CALML4: variants seen among roughly 807,000 people sequenced by gnomAD.
CALML4 encodes the protein calmodulin-like protein 4.
A neutral mutation model predicts 17.9 loss-of-function variants in CALML4; 16 were observed. That is an observed-to-expected ratio of 0.89 (90% CI 0.61 to 1.36). The LOEUF (loss-of-function observed/expected upper bound fraction) is 1.36. CALML4 is among the 40% of genes most tolerant of loss of function. The pLI, the probability that CALML4 is intolerant of heterozygous loss-of-function variation, is 0.00. For synonymous variants in CALML4, 86 were observed against 71.5 expected, an observed-to-expected ratio of 1.20 and a Z score of -1.02; for missense variants, 203 against 194.8, an observed-to-expected ratio of 1.04 and a Z score of -0.25.
chr15:68,205,433 G>A, upstream of CALML4: 18 of 1,606,200 alleles, frequency 1.1e-5, no homozygotes, highest in Admixed American at 1.7e-5. The surrounding 1 kb of genome is among the most constrained non-coding windows in gnomAD (Gnocchi z 4.8). Flanking sequence ...CACAGCTCAT[G>A]ACCCGCCACC....
At chr15:68,195,764 T>C (rs571391392) in intron 4 of CALML4, among the ~76,000 whole-genome samples, 2 of 152,282 alleles carry the variant, frequency 1.3e-5, no homozygotes, top group South Asian at 4.1e-4. Context: ...GGGAAATCGG[T>C]GTCCCTGCTT....
chr15:68,203,419 A>G (rs2093172017), intron 2 of CALML4, among the ~76,000 whole-genome samples: 1 of 152,254 alleles, frequency 6.6e-6, no homozygotes, highest in Non-Finnish European at 1.5e-5. Flanking sequence ...TACCAAACAC[A>G]TTCATTAAAT....
intron 2 of CALML4, among the ~76,000 whole-genome samples, chr15:68,202,560 C>A (rs536278409): frequency 5.3e-5 from 8 of 151,818 alleles, no homozygotes; most frequent in African/African-American, 1.7e-4. Flanking sequence ...GAGCGGAGAT[C>A]ATGCCATTGC....
At position 68,199,563 on chromosome 15, in the gene CALML4, C is replaced by G. The variant is rs757482900; in HGVS notation, c.153G>C (p.Arg51=). Residue 51 remains arginine (R), a synonymous_variant, in exon 3 of 5, where the codon CGG becomes CGC. Coordinates refer to ENST00000467889, the MANE Select transcript of CALML4 (RefSeq NM_033429.3). ...CACCTATCCCGTGGGTCTGCAGGTG[C>G]CGCTGCACCTCCCCTGGCGTCGGGC... ...GASPTPGEVQ[R]HLQTHGIDGN... is the part of the protein sequence containing the mutation. 1 of 1,613,536 alleles carries G rather than the reference C, an allele frequency of 6.2e-7. No individual in the cohort carries two copies. Among genetic ancestry groups the G allele is most frequent in the African/African-American group, 1.3e-5 (1 of 74,844 alleles).
At chr15:68,201,410 G>A (rs938640) in intron 2 of CALML4, among the ~76,000 whole-genome samples, 74,198 of 152,168 alleles carry the variant, frequency 0.49, 18,830 homozygotes, top group Middle Eastern at 0.57. Flanking sequence ...CAGAGAGAGG[G>A]CTGCCCCAAT....
chr15:68,197,491 C>G lies in CALML4; in HGVS notation c.313G>C (p.Asp105His), dbSNP rs375308448. 6.8e-6 allele frequency: 11 copies of G among 1,614,036 alleles called. No individual in the cohort carries two copies. The highest frequency in any genetic ancestry group is 9.3e-6 in the Non-Finnish European group (11 of 1,180,042). The change falls in exon 4 of 5, where the codon GAC (aspartate) becomes CAC (histidine). Residue 105 changes from aspartate (D) to histidine (H), a missense_variant. Physicochemically the swap from Asp to His is moderately conservative, Grantham distance 81. Coordinates refer to ENST00000467889, the MANE Select transcript of CALML4 (RefSeq NM_033429.3). This position sits in a 1 kb window ranked among gnomAD's most constrained non-coding sequence, Gnocchi z 4.1. ...AGACTCGTGAGTTTTGACCGCAGGT[C>G]GGACGCCATGACGTAACCTTTCTTC... is the stretch of plus-strand genomic sequence containing the variant. The part of the protein sequence containing the change: ...KEKKGYVMAS[D>H]LRSKLTSLGE...
intron 3 of CALML4, chr15:68,198,493 T>G (rs1223781179): frequency 6.6e-6 from 1 of 152,252 alleles, no homozygotes; most frequent in Non-Finnish European, 1.5e-5. Flanking sequence ...CGCCAGTCCC[T>G]CCTTCCTGAG....
At chr15:68,195,606 TA>T (rs897154692) in intron 4 of CALML4, among the ~76,000 whole-genome samples, 3 of 152,144 alleles carry the variant, frequency 2.0e-5, no homozygotes, top group Admixed American at 6.5e-5. Context: ...GCCAAAGTGC[TA>T]AAGTCAGCCC....
chr15:68,194,978 AAAAT>A (rs985146369), intron 4 of CALML4, among the ~76,000 whole-genome samples: 8 of 152,066 alleles, frequency 5.3e-5, no homozygotes, highest in Non-Finnish European at 7.4e-5. Flanking sequence ...ATATGAGAGA[AAAAT>A]AAATCCAACT....
rs567152819 is a variant in CALML4, at chr15:68,204,403, T to G, written c.34+718A>C. Among the ~76,000 whole-genome samples, 83 of 152,288 alleles carry G rather than the reference T, an allele frequency of 5.5e-4. No individual in the cohort carries two copies. The highest frequency in any genetic ancestry group is 1.2e-3 in the South Asian group (6 of 4,830). ...TTGACGTCCACTGTTGGGACAGGTTTCAGGGTCACAACCTCAAGCAGCAGC... is the reference window on the plus strand; with the variant it reads ...TTGACGTCCACTGTTGGGACAGGTTGCAGGGTCACAACCTCAAGCAGCAGC... On this transcript the variant is annotated intron_variant, in intron 2 of 4. Transcript: ENST00000467889. The surrounding 1 kb of genome is among the most constrained non-coding windows in gnomAD (Gnocchi z 6.0).
chr15:68,204,114 G>A lies in CALML4; in HGVS notation c.34+1007C>T, dbSNP rs1179912342. Reference sequence around the variant, plus strand: ...CCTGGCCCTCCTCTTGGGATAAAGAGTTCCAGGGTTCTACGTGGAGGTGCC... The same window carrying A: ...CCTGGCCCTCCTCTTGGGATAAAGAATTCCAGGGTTCTACGTGGAGGTGCC... On this transcript the variant is annotated intron_variant, in intron 2 of 4. Transcript: ENST00000467889. This position sits in a 1 kb window ranked among gnomAD's most constrained non-coding sequence, Gnocchi z 6.0. Among the ~76,000 whole-genome samples, 1 of 152,134 alleles carries A rather than the reference G, an allele frequency of 6.6e-6. No individual in the cohort carries two copies. Among genetic ancestry groups the A allele is most frequent in the African/African-American group, 2.4e-5 (1 of 41,422 alleles).
In CALML4 at chr15:68,205,295, G is replaced by T; in HGVS notation, c.-48C>A. 6.2e-7 allele frequency: 1 copy of T among 1,614,116 alleles called. No individual in the cohort carries two copies. Among genetic ancestry groups the T allele is most frequent in the African/African-American group, 1.3e-5 (1 of 75,028 alleles). ...GTGGGCTTGCTGCTCCCAGAACCGC[G>T]TTCAGTTCCCTTTCCTCCAGCCTCA... On this transcript the variant is annotated 5_prime_UTR_variant, in exon 1 of 5. Coordinates refer to ENST00000467889, the MANE Select transcript of CALML4 (RefSeq NM_033429.3). The surrounding 1 kb of genome is among the most constrained non-coding windows in gnomAD (Gnocchi z 4.8).
rs1409580517 is a variant in CALML4 at position 68,197,961 on chromosome 15, GGA to G, written c.176-335_176-334del. 2 of 250,776 alleles carry G rather than the reference GGA, an allele frequency of 8.0e-6. No individual in the cohort carries two copies. The highest frequency in any genetic ancestry group is 1.5e-5 in the Non-Finnish European group (2 of 129,068). The allele number at this position is 250,776 out of a possible 1,614,324, so 15.5% of individuals were successfully genotyped here. A position where few individuals can be genotyped will look rare whatever the true frequency, so the allele number is the denominator to read the frequency against. ...GCTTCCCTCCTGCCCTGAACTGGAGGGAAACAGGTCCATGTGTGCATTCCACC... is the reference window on the plus strand; with the variant it reads ...GCTTCCCTCCTGCCCTGAACTGGAGGAACAGGTCCATGTGTGCATTCCACC... On this transcript the variant is annotated intron_variant, in intron 3 of 4. Coordinates refer to ENST00000467889, the MANE Select transcript of CALML4 (RefSeq NM_033429.3). This position sits in a 1 kb window ranked among gnomAD's most constrained non-coding sequence, Gnocchi z 4.1.
chr15:68,199,545 C>T lies in CALML4; in HGVS notation c.171G>A (p.Gly57=). The change falls in exon 3 of 5, where the codon GGG becomes GGA. Residue 57 remains glycine (G), a synonymous_variant. Transcript: ENST00000467889. ...GEVQRHLQTH[G]IDGNGELDFS... is the part of the protein sequence containing the mutation. Reference sequence around the variant, plus strand: ...GTTGTTCCCACCACCACTCACCTATCCCGTGGGTCTGCAGGTGCCGCTGCA... The same window carrying T: ...GTTGTTCCCACCACCACTCACCTATTCCGTGGGTCTGCAGGTGCCGCTGCA... The T allele has an allele frequency of 6.2e-7, 1 of 1,613,112 alleles. No individual in the cohort carries two copies. Among genetic ancestry groups the T allele is most frequent in the Non-Finnish European group, 8.5e-7 (1 of 1,179,678 alleles).
chr15:68,202,835 A>C (rs1322936106), intron 2 of CALML4, among the ~76,000 whole-genome samples: 1 of 97,904 alleles, frequency 1.0e-5, no homozygotes, highest in African/African-American at 5.7e-5. Context: ...TTTTTTTGAG[A>C]CAGAGTCTCG....
In CALML4 at chr15:68,197,546, A is replaced by G. The variant is rs1428284872; in HGVS notation, c.258T>C (p.Ile86=). Residue 86 remains isoleucine (I), a synonymous_variant, in exon 4 of 5, where the codon ATT becomes ATC. Transcript: ENST00000467889. This position sits in a 1 kb window ranked among gnomAD's most constrained non-coding sequence, Gnocchi z 4.1. ...TGTCCACCATCAACATGGCTAGAAG[A>G]ATTTCTTTCTTTGGGTCTTCTTGTT... ...QIKQEDPKKE[I]LLAMLMVDKE... The G allele has an allele frequency of 3.7e-6, 6 of 1,614,002 alleles. No homozygotes were observed. The highest frequency in any genetic ancestry group is 5.1e-6 in the Non-Finnish European group (6 of 1,180,022).
chr15:68,197,624 TC>T lies in CALML4; in HGVS notation c.179del (p.Gly60GlufsTer11). 1 of 1,613,710 alleles carries T rather than the reference TC, an allele frequency of 6.2e-7. No individual in the cohort carries two copies. Among genetic ancestry groups the T allele is most frequent in the Non-Finnish European group, 8.5e-7 (1 of 1,179,832 alleles). Reference protein sequence around the residue: ...QRHLQTHGIDGNGELDFSTFL... With the variant: ...QRHLQTHGIDXNGELDFSTFL... Reference sequence around the variant, plus strand: ...AAGTGGAGAAATCCAGCTCTCCATTTCCGTCTAGGAAACCCGCAAACACAGC... The same window carrying T: ...AAGTGGAGAAATCCAGCTCTCCATTTCGTCTAGGAAACCCGCAAACACAGC... On this transcript the variant is annotated frameshift_variant, in exon 4 of 5. Coordinates refer to ENST00000467889, the MANE Select transcript of CALML4 (RefSeq NM_033429.3). LOFTEE classifies it high-confidence loss of function. This position sits in a 1 kb window ranked among gnomAD's most constrained non-coding sequence, Gnocchi z 4.1.
chr15:68,197,598 A>G lies in CALML4; in HGVS notation c.206T>C (p.Phe69Ser), dbSNP rs1333064506. The change falls in exon 4 of 5, where the codon TTT (phenylalanine) becomes TCT (serine). Residue 69 changes from phenylalanine to serine, a missense_variant. Transcript: ENST00000467889. The surrounding 1 kb of genome is among the most constrained non-coding windows in gnomAD (Gnocchi z 4.1). ...DGNGELDFST[F>S]LTIMHMQIKQ... is the part of the protein sequence containing the mutation. The stretch of plus-strand genomic sequence containing the variant: ...TATTTGCATGTGCATAATGGTCAGA[A>G]AAGTGGAGAAATCCAGCTCTCCATT... The G allele has an allele frequency of 6.2e-7, 1 of 1,614,102 alleles. No individual in the cohort carries two copies. Among genetic ancestry groups the G allele is most frequent in the Non-Finnish European group, 8.5e-7 (1 of 1,180,018 alleles).
intron 4 of CALML4, among the ~76,000 whole-genome samples, 189 bp from the exon 5 acceptor site, chr15:68,194,301 ATT>A (rs914000284): frequency 7.9e-4 from 120 of 151,698 alleles, no homozygotes; most frequent in African/African-American, 2.8e-3. Context: ...CCCTTATTCC[ATT>A]TTGAGCTAAT....
Sources: gnomAD v4.1 joint callset for allele counts (sites outside exome capture counted in the v4.1 genomes callset) on GRCh38, gnomAD v4.1.1 for gene constraint, Gnocchi (gnomAD v3.1) non-coding constraint, MANE v1.5 for transcripts, NCBI Gene and HGNC (gene_info 2026-07-23, HGNC 2026-07-21) for gene names.